TOX2: variants seen among roughly 807,000 people sequenced by gnomAD.
TOX2 encodes TOX high mobility group box family member 2.
TOX2 carries 15 observed loss-of-function variants against 47.4 expected under a neutral mutation model. That is an observed-to-expected ratio of 0.32 (90% CI 0.21 to 0.49). TOX2 has a LOEUF of 0.49. TOX2 is among the 20% of genes least tolerant of loss of function. The pLI, the probability that TOX2 is intolerant of heterozygous loss-of-function variation, is 0.99. For missense variants in TOX2, 622 were observed against 673.1 expected, an observed-to-expected ratio of 0.92 and a Z score of 0.84; for synonymous variants, 290 against 296.6, an observed-to-expected ratio of 0.98 and a Z score of 0.23.
At chr20:43,963,344 G>A (rs186969467) in intron 1 of TOX2, among the ~76,000 whole-genome samples, 2 of 152,118 alleles carry the variant, frequency 1.3e-5, no homozygotes, top group African/African-American at 4.8e-5. Flanking sequence ...TCCTGAAGGG[G>A]CCCACAGCAC....
intron 3 of TOX2, among the ~76,000 whole-genome samples, chr20:44,046,048 T>A (rs112172085): frequency 0.014 from 2,120 of 152,340 alleles, 22 homozygotes; most frequent in Middle Eastern, 0.024. Context: ...TCTCAGATAT[T>A]TGTATGATTA....
At chr20:43,978,596 C>G (rs367681247) in intron 2 of TOX2, among the ~76,000 whole-genome samples, 9 of 152,290 alleles carry the variant, frequency 5.9e-5, no homozygotes, top group Admixed American at 3.3e-4. Flanking sequence ...TGGGAATCCC[C>G]TAGTGTTTTT....
At chr20:44,009,987 C>G (rs536128651) in intron 3 of TOX2, among the ~76,000 whole-genome samples, 2 of 152,314 alleles carry the variant, frequency 1.3e-5, no homozygotes, top group East Asian at 1.9e-4. Context: ...GTCTTGGAAT[C>G]ATAATCGTAC....
rs147198816 is a variant in TOX2 at position 43,952,584 on chromosome 20, C to T, written c.100-20783C>T. On this transcript the variant is annotated intron_variant, in intron 1 of 8. Transcript: ENST00000341197. ...TCAAGTTTGCTTTTTTATACTTCTACCCAGAGGAGACCCACGTTGTTTCTG... is the reference window on the plus strand; with the variant it reads ...TCAAGTTTGCTTTTTTATACTTCTATCCAGAGGAGACCCACGTTGTTTCTG... Among the ~76,000 whole-genome samples, 1,466 of 152,212 alleles carry T rather than the reference C, an allele frequency of 9.6e-3. 13 individuals are homozygous for T. Among genetic ancestry groups the T allele is most frequent in the Non-Finnish European group, 0.014 (976 of 68,010 alleles).
intron 2 of TOX2, among the ~76,000 whole-genome samples, chr20:43,986,285 A>ATGTATGTGTGTG (rs1555836350): frequency 2.6e-5 from 4 of 151,508 alleles, no homozygotes; most frequent in Non-Finnish European, 5.9e-5. Context: ...GTATGTATGT[A>ATGTATGTGTGTG]TGTGTGTATT....
chr20:43,916,110 G>A lies in TOX2; in HGVS notation c.99+1120G>A, dbSNP rs551148989. 7.9e-5 allele frequency: 78 copies of A among 985,418 alleles called. No individual in the cohort carries two copies. The South Asian group carries it at 3.5e-3, about 44-fold the overall frequency. The allele number at this position is 985,418 out of a possible 1,614,324, so 61.0% of individuals were successfully genotyped here. ...GTGCGTCGGTCCCGGGCCGGCTGGA[G>A]CCAAGCGCGGGTTTTCGTCACTCGG... On this transcript the variant is annotated intron_variant, in intron 1 of 8. Coordinates refer to ENST00000341197, the MANE Select transcript of TOX2 (RefSeq NM_001098797.2). This position sits in a 1 kb window ranked among gnomAD's most constrained non-coding sequence, Gnocchi z 5.0.
chr20:43,963,203 A>G (rs1183556279), intron 1 of TOX2, among the ~76,000 whole-genome samples: 1 of 152,130 alleles, frequency 6.6e-6, no homozygotes, highest in Non-Finnish European at 1.5e-5. Context: ...AGAGGAGCCC[A>G]GGTACCTGGC....
At chr20:44,024,914 T>C (rs959940422) in intron 3 of TOX2, among the ~76,000 whole-genome samples, 1 of 152,176 alleles carries the variant, frequency 6.6e-6, no homozygotes, top group East Asian at 1.9e-4. Flanking sequence ...CTTTCCAGTG[T>C]GTTCTATTGG....
intron 3 of TOX2, among the ~76,000 whole-genome samples, chr20:44,039,673 C>G (rs1005460816): frequency 6.6e-6 from 1 of 152,176 alleles, no homozygotes; most frequent in Non-Finnish European, 1.5e-5. Context: ...GCAACAGGAA[C>G]GGGGTCCTGC....
At chr20:43,976,826 C>T (rs1363130737) in intron 2 of TOX2, among the ~76,000 whole-genome samples, 18 of 151,732 alleles carry the variant, frequency 1.2e-4, no homozygotes, top group Admixed American at 1.2e-3. Context: ...ACGTGAACAC[C>T]CTCTCACAAT....
intron 3 of TOX2, among the ~76,000 whole-genome samples, chr20:44,048,419 A>ATATATATATATATATAT (rs1264056327): frequency 6.2e-5 from 3 of 48,660 alleles, no homozygotes; most frequent in Admixed American, 1.9e-4. Context: ...TATATGTATA[A>ATATATATATATATATAT]TTTACCAAAA....
At chr20:43,988,754 A>G (rs139712015) in intron 2 of TOX2, among the ~76,000 whole-genome samples, 132 of 152,330 alleles carry the variant, frequency 8.7e-4, no homozygotes, top group Non-Finnish European at 1.6e-3. Context: ...AGACACATTC[A>G]CAAGCACATC....
Position 44,069,251 on chromosome 20 carries a change from T to C in TOX2, c.*565T>C, listed in dbSNP as rs1569158771. The C allele has an allele frequency of 4.2e-6, 1 of 240,414 alleles. No individual in the cohort carries two copies. The highest frequency in any genetic ancestry group is 8.4e-6 in the Non-Finnish European group (1 of 119,118). 14.9% of individuals were successfully genotyped at this position (240,414 alleles called of 1,614,324 possible). On this transcript the variant is annotated 3_prime_UTR_variant, in exon 9 of 9. Coordinates refer to ENST00000341197, the MANE Select transcript of TOX2 (RefSeq NM_001098797.2). ...TAGTTTCCTTTAAGGTAAAAAGCATTTTATATGATCCTTAGCACATTTTTA... is the reference window on the plus strand; with the variant it reads ...TAGTTTCCTTTAAGGTAAAAAGCATCTTATATGATCCTTAGCACATTTTTA...
intron 1 of TOX2, among the ~76,000 whole-genome samples, chr20:43,931,805 G>A (rs2069256413): frequency 6.6e-6 from 1 of 152,218 alleles, no homozygotes; most frequent in South Asian, 2.1e-4. Context: ...AAGGTAGCCA[G>A]TAGCCGTGTG....
chr20:43,988,426 G>A (rs896544634), intron 2 of TOX2, among the ~76,000 whole-genome samples: 2 of 152,228 alleles, frequency 1.3e-5, no homozygotes, highest in African/African-American at 4.8e-5. Context: ...CATGCTCAGT[G>A]TATGGAAAGG....
At chr20:43,925,523 A>T (rs1407811641) in intron 1 of TOX2, among the ~76,000 whole-genome samples, 1 of 152,112 alleles carries the variant, frequency 6.6e-6, no homozygotes, top group Non-Finnish European at 1.5e-5. Context: ...CAGATTTCTC[A>T]TTTCAATTAG....
chr20:44,065,684 C>A (rs556263372), intron 6 of TOX2, 28 bp from the exon 7 acceptor site: 1 of 1,552,490 alleles, frequency 6.4e-7, no homozygotes, highest in Non-Finnish European at 8.8e-7. Flanking sequence ...CTTCTGTTCT[C>A]CAGTGACTGA....
At chr20:44,023,841 C>T (rs534785522) in intron 3 of TOX2, among the ~76,000 whole-genome samples, 8 of 152,384 alleles carry the variant, frequency 5.2e-5, no homozygotes, top group African/African-American at 1.2e-4. Flanking sequence ...CTCCACGTCC[C>T]GTGGGCCCTC....
intron 1 of TOX2, among the ~76,000 whole-genome samples, chr20:43,953,850 C>G (rs1448709179): frequency 2.6e-5 from 4 of 152,158 alleles, no homozygotes; most frequent in Non-Finnish European, 5.9e-5. Flanking sequence ...TGGTTTGCGA[C>G]TAGGTTAGAA....
Sources: allele counts gnomAD v4.1 joint callset (sites outside exome capture counted in the v4.1 genomes callset), GRCh38; gene constraint gnomAD v4.1.1; non-coding constraint Gnocchi (gnomAD v3.1); transcripts MANE v1.5; gene names NCBI Gene and HGNC (gene_info 2026-07-23, HGNC 2026-07-21).